FRK: variants seen among roughly 807,000 people sequenced by gnomAD.
FRK encodes fyn related Src family tyrosine kinase.
Under a neutral mutation model 56.4 loss-of-function variants are expected in FRK, and 51 were observed. That is an observed-to-expected ratio of 0.90 (90% CI 0.72 to 1.14). FRK has a LOEUF of 1.14. Among genes scored for constraint, FRK ranks in the 50% most tolerant of loss-of-function variants. The probability of loss-of-function intolerance (pLI) is 0.00; values close to 1 mark genes in which losing one functional copy is unlikely to be tolerated. For missense variants in FRK, 570 were observed against 601.4 expected, an observed-to-expected ratio of 0.95 and a Z score of 0.55; for synonymous variants, 245 against 217.9, an observed-to-expected ratio of 1.12 and a Z score of -1.10.
At chr6:116,032,094 T>C (rs951468430) in intron 1 of FRK, among the ~76,000 whole-genome samples, 2 of 152,168 alleles carry the variant, frequency 1.3e-5, no homozygotes, top group African/African-American at 4.8e-5. Context: ...TTCTAAGGCC[T>C]ACAGGGTCAG....
chr6:116,031,454 C>T (rs1273642998), intron 1 of FRK, among the ~76,000 whole-genome samples: 1 of 152,104 alleles, frequency 6.6e-6, no homozygotes, highest in Non-Finnish European at 1.5e-5. Flanking sequence ...AAAATCACAT[C>T]TAGCTCTAAT....
rs766484653 is a variant in FRK, at chr6:115,968,619, G to A, written c.587C>T (p.Thr196Ile). The A allele has an allele frequency of 6.2e-7, 1 of 1,613,798 alleles. No individual in the cohort carries two copies. Among genetic ancestry groups the A allele is most frequent in the Non-Finnish European group, 8.5e-7 (1 of 1,179,798 alleles). The change falls in exon 3 of 8, where the codon ACA (threonine) becomes ATA (isoleucine). Residue 196 changes from threonine to isoleucine, a missense_variant. Thr to Ile is a moderately conservative substitution (Grantham distance 89). Coordinates refer to ENST00000606080, the MANE Select transcript of FRK (RefSeq NM_002031.3). ...LNEFVSHYTKTSDGLCVKLGK... is the reference protein window; with the variant it reads ...LNEFVSHYTKISDGLCVKLGK... ...CAGCTTGACACACAGGCCGTCACTT[G>A]TCTTGGTGTAGTGGCTCACAAATTC... is the stretch of plus-strand genomic sequence containing the variant.
At chr6:116,024,749 A>G (rs1361733808) in intron 1 of FRK, among the ~76,000 whole-genome samples, 2 of 152,154 alleles carry the variant, frequency 1.3e-5, no homozygotes, top group Non-Finnish European at 2.9e-5. Flanking sequence ...TCTTTATAGC[A>G]GCATGATTTA....
At chr6:116,089,770 C>T in the FRK span, among the ~76,000 whole-genome samples, 1 of 152,126 alleles carries the variant, frequency 6.6e-6, no homozygotes, top group Non-Finnish European at 1.5e-5. Flanking sequence ...GGCCCTATCA[C>T]CAAGTATCAT....
Position 115,942,529 on chromosome 6 carries a change from TC to T in FRK, c.1402del (p.Glu468SerfsTer37). Reference sequence around the variant, plus strand: ...TTCCTTAGGCTCTGCATTCCAGCACTCCAACATGATGTTGTAAAATTGCTGT... The same window carrying T: ...TTCCTTAGGCTCTGCATTCCAGCACTCAACATGATGTTGTAAAATTGCTGT... The part of the protein sequence containing the change: ...CPQQFYNIML[E>X]CWNAEPKERP... On this transcript the variant is annotated frameshift_variant, in exon 8 of 8. Transcript: ENST00000606080. LOFTEE classifies it high-confidence loss of function. 1 of 1,613,844 alleles carries T rather than the reference TC, an allele frequency of 6.2e-7. No homozygotes were observed. Among genetic ancestry groups the T allele is most frequent in the Admixed American group, 1.7e-5 (1 of 59,970 alleles).
intron 1 of FRK, among the ~76,000 whole-genome samples, chr6:116,005,215 C>T (rs150834841): frequency 7.2e-4 from 109 of 152,244 alleles, no homozygotes; most frequent in African/African-American, 2.6e-3. Flanking sequence ...AGTACATTAA[C>T]TGTATCTGTC....
upstream of FRK, among the ~76,000 whole-genome samples, chr6:116,061,342 A>G (rs2114843590): frequency 6.6e-6 from 1 of 152,022 alleles, no homozygotes; most frequent in Non-Finnish European, 1.5e-5. Context: ...TGAGAACCCA[A>G]AATGTTGCTT....
At chr6:116,042,803 G>A (rs1425410845) in intron 1 of FRK, among the ~76,000 whole-genome samples, 1 of 152,020 alleles carries the variant, frequency 6.6e-6, no homozygotes, top group Non-Finnish European at 1.5e-5. Context: ...ATTAGATAAA[G>A]AGTAAAGACT....
At chr6:116,039,298 G>A (rs1308311550) in intron 1 of FRK, 1 of 1,448,376 alleles carries the variant, frequency 6.9e-7, no homozygotes, top group African/African-American at 1.4e-5. Context: ...GAAGGCCCAG[G>A]AAGTACACGA....
chr6:116,004,357 C>G lies in FRK; in HGVS notation c.345-359G>C, dbSNP rs188125757. On this transcript the variant is annotated intron_variant, in intron 1 of 7. Transcript: ENST00000606080. ...TGTCCCAGGCTCTAAAATGACTCAT[C>G]ATCTCCATCCAACCATCCACTGCTT... 5.9e-4 allele frequency among the ~76,000 whole-genome samples: 90 copies of G among 152,198 alleles called. 2 individuals carry two copies. In the East Asian group the frequency reaches 0.01, roughly 17 times the overall value.
intron 2 of FRK, among the ~76,000 whole-genome samples, chr6:115,986,027 C>A (rs117430957): frequency 6.6e-6 from 1 of 150,964 alleles, no homozygotes; most frequent in African/African-American, 2.4e-5. Context: ...TATTTTTATA[C>A]CATTAATATG....
chr6:115,943,324 T>C (rs1387379254), intron 6 of FRK, 139 bp from the exon 7 acceptor site: 12 of 580,152 alleles, frequency 2.1e-5, no homozygotes, highest in East Asian at 3.1e-5. Context: ...ACAATTACAG[T>C]AGCAAATTCT....
At chr6:115,979,135 C>T (rs956149083) in intron 2 of FRK, among the ~76,000 whole-genome samples, 1 of 151,914 alleles carries the variant, frequency 6.6e-6, no homozygotes, top group Non-Finnish European at 1.5e-5. Flanking sequence ...ATAAAACAGC[C>T]TCAGGCAGGT....
intron 2 of FRK, among the ~76,000 whole-genome samples, chr6:116,000,598 G>C (rs528912737): frequency 6.0e-4 from 91 of 151,952 alleles, no homozygotes; most frequent in African/African-American, 2.1e-3. Flanking sequence ...TCTCACTTTT[G>C]ACTAAATAGC....
At chr6:116,032,339 A>G (rs1191029427) in intron 1 of FRK, among the ~76,000 whole-genome samples, 2 of 152,144 alleles carry the variant, frequency 1.3e-5, no homozygotes, top group Non-Finnish European at 1.5e-5. Context: ...TTTTCTTACA[A>G]TGTTCTCTTA....
chr6:116,023,063 A>G (rs1422638416), intron 1 of FRK, among the ~76,000 whole-genome samples: 5 of 152,210 alleles, frequency 3.3e-5, no homozygotes, highest in Admixed American at 3.3e-4. Context: ...TGTGCTCAAC[A>G]TCATTAGTCA....
chr6:116,025,147 AG>A (rs1026221105), intron 1 of FRK, among the ~76,000 whole-genome samples: 1 of 152,186 alleles, frequency 6.6e-6, no homozygotes, highest in African/African-American at 2.4e-5. Context: ...GGACGAAATT[AG>A]AATTAGTGAG....
At chr6:116,088,276 G>A in the FRK span, among the ~76,000 whole-genome samples, 3 of 152,292 alleles carry the variant, frequency 2.0e-5, no homozygotes, top group Admixed American at 2.0e-4. Context: ...CCATGAGAAA[G>A]ATGCAGTAAA....
At chr6:116,047,009 C>T (rs1776990592) in intron 1 of FRK, among the ~76,000 whole-genome samples, 1 of 150,988 alleles carries the variant, frequency 6.6e-6, no homozygotes, top group Admixed American at 6.6e-5. Flanking sequence ...CCTTCACAAA[C>T]TTCTTCATGA....
Sources: allele counts gnomAD v4.1 joint callset (sites outside exome capture counted in the v4.1 genomes callset), GRCh38; gene constraint gnomAD v4.1.1; transcripts MANE v1.5; gene names NCBI Gene and HGNC (gene_info 2026-07-23, HGNC 2026-07-21).